Variants in VPS54 observed in about 807,000 individuals in gnomAD.
The protein encoded by VPS54 is VPS54 subunit of GARP complex.
A neutral mutation model predicts 121.5 loss-of-function variants in VPS54; 45 were observed. The ratio of observed to expected loss-of-function variants is 0.37; its 90% CI spans 0.29 to 0.47. The LOEUF is 0.47. VPS54 is among the 20% of genes least tolerant of loss of function. VPS54 has a pLI of 0.99. For synonymous variants in VPS54, 371 were observed against 385.8 expected, an observed-to-expected ratio of 0.96 and a Z score of 0.45; for missense variants, 1,090 against 1,131.4, an observed-to-expected ratio of 0.96 and a Z score of 0.52.
intron 9 of VPS54, among the ~76,000 whole-genome samples, chr2:63,946,454 G>T (rs1188099489): frequency 6.6e-6 from 1 of 151,970 alleles, no homozygotes; most frequent in East Asian, 1.9e-4. Context: ...ACTATATATT[G>T]CCAACAATTT....
chr2:64,016,441 T>C (rs553943412), intron 1 of VPS54, among the ~76,000 whole-genome samples: 10 of 152,218 alleles, frequency 6.6e-5, no homozygotes, highest in Admixed American at 3.3e-4. Flanking sequence ...TAGGCCAATA[T>C]TGAGACAGAA....
At chr2:63,952,853 A>C (rs1675316587) in intron 7 of VPS54, among the ~76,000 whole-genome samples, 1 of 152,208 alleles carries the variant, frequency 6.6e-6, no homozygotes, top group South Asian at 2.1e-4. Flanking sequence ...CACTTCTTAG[A>C]ATCTGTCTCA....
chr2:63,983,650 G>C (rs1214017579), intron 2 of VPS54, among the ~76,000 whole-genome samples: 1 of 149,036 alleles, frequency 6.7e-6, no homozygotes, highest in Non-Finnish European at 1.5e-5. Context: ...CACCATGTTA[G>C]CCAGGATGAT....
At chr2:63,943,326 A>C (rs1208690798) in intron 10 of VPS54, among the ~76,000 whole-genome samples, 1 of 152,220 alleles carries the variant, frequency 6.6e-6, no homozygotes, top group Non-Finnish European at 1.5e-5. Context: ...TTAAGAGTTT[A>C]TTCTAAAAAG....
intron 20 of VPS54, among the ~76,000 whole-genome samples, chr2:63,910,055 T>C (rs918034370): frequency 6.6e-6 from 1 of 152,124 alleles, no homozygotes; most frequent in African/African-American, 2.4e-5. Context: ...AATCAACCCA[T>C]ATGTTATTGT....
In VPS54 at chr2:63,981,809, T is replaced by C; in HGVS notation, c.215A>G (p.Asn72Ser). ...AGGATCGTTTAATGCTGCTGGGAGA[T>C]TTACTTTGGAATGATATACAGTCCA... ...HRWTVYHSKV[N>S]LPAALNDPRL... Residue 72 changes from asparagine (N) to serine (S), a missense_variant, in exon 3 of 23, where the codon AAT becomes AGT. By Grantham distance (46) the Asn-to-Ser change is conservative. Transcript: ENST00000272322. 2 of 1,613,712 alleles carry C rather than the reference T, an allele frequency of 1.2e-6. No individual in the cohort carries two copies. The highest frequency in any genetic ancestry group is 1.7e-6 in the Non-Finnish European group (2 of 1,179,810).
intron 20 of VPS54, among the ~76,000 whole-genome samples, chr2:63,911,472 T>G (rs928194914): frequency 4.6e-5 from 7 of 152,166 alleles, no homozygotes; most frequent in African/African-American, 1.7e-4. Context: ...CATAATAATA[T>G]TATTAATAAG....
intron 22 of VPS54, among the ~76,000 whole-genome samples, chr2:63,896,590 A>G (rs1672454667): frequency 6.6e-6 from 1 of 152,212 alleles, no homozygotes; most frequent in Non-Finnish European, 1.5e-5. Context: ...AAGCTTTCAC[A>G]TAGCTCTTTG....
intron 20 of VPS54, among the ~76,000 whole-genome samples, chr2:63,909,118 G>A (rs1238535315): frequency 6.6e-6 from 1 of 152,060 alleles, no homozygotes; most frequent in Non-Finnish European, 1.5e-5. Context: ...CTCTTCCAAA[G>A]CCTTAAAAGC....
chr2:63,903,955 G>C (rs1188106546), intron 20 of VPS54, among the ~76,000 whole-genome samples: 1 of 152,054 alleles, frequency 6.6e-6, no homozygotes, highest in African/African-American at 2.4e-5. Context: ...GTAATTGTCA[G>C]ACTAAGGGAA....
chr2:64,013,064 G>A (rs543285279), intron 1 of VPS54, among the ~76,000 whole-genome samples: 1 of 152,298 alleles, frequency 6.6e-6, no homozygotes, highest in South Asian at 2.1e-4. Context: ...TGGTTAAAGG[G>A]TTGTCAGGGA....
chr2:63,985,092 G>A (rs1332995574), intron 1 of VPS54, among the ~76,000 whole-genome samples: 1 of 152,182 alleles, frequency 6.6e-6, no homozygotes, highest in African/African-American at 2.4e-5. Flanking sequence ...GGCCAAAGCA[G>A]GCGGATTACT....
intron 20 of VPS54, among the ~76,000 whole-genome samples, chr2:63,907,494 G>A (rs1344406767): frequency 2.0e-5 from 3 of 149,514 alleles, no homozygotes; most frequent in Non-Finnish European, 4.4e-5. Flanking sequence ...CTCCAGCCTG[G>A]GCAACAAGAG....
intron 6 of VPS54, among the ~76,000 whole-genome samples, chr2:63,964,452 G>T (rs921388998): frequency 6.6e-6 from 1 of 152,066 alleles, no homozygotes; most frequent in African/African-American, 2.4e-5. Flanking sequence ...TGTATACATT[G>T]ATGAGACTTT....
At position 63,962,232 on chromosome 2, in the gene VPS54, G is replaced by GT; in HGVS notation, c.835dup (p.Thr279AsnfsTer4). ...GTATACTTTAACACAATTATTTCTG[G>GT]TAAGTGCCAGTCTTAAAATGTGGAG... is the stretch of plus-strand genomic sequence containing the variant. On this transcript the variant is annotated frameshift_variant, in exon 7 of 23. Transcript: ENST00000272322. LOFTEE classifies it high-confidence loss of function. 6.2e-7 allele frequency: 1 copy of GT among 1,613,996 alleles called. No homozygotes were observed. The highest frequency in any genetic ancestry group is 8.5e-7 in the Non-Finnish European group (1 of 1,179,906).
intron 5 of VPS54, among the ~76,000 whole-genome samples, chr2:63,967,611 C>A (rs982017678): frequency 2.0e-5 from 3 of 150,012 alleles, no homozygotes; most frequent in Non-Finnish European, 3.0e-5. Context: ...CCCAGCTACT[C>A]AGGAGGCTGA....
In VPS54 at chr2:63,962,050, G is replaced by A; in HGVS notation, c.1010+8C>T. 2.0e-6 allele frequency: 3 copies of A among 1,536,456 alleles called. No homozygotes were observed. The highest frequency in any genetic ancestry group is 2.6e-6 in the Non-Finnish European group (3 of 1,137,248). On this transcript the variant is annotated splice_region_variant and intron_variant, in intron 7 of 22. Transcript: ENST00000272322. ...CATTATTTCTAGTGGCTTACTTAAT[G>A]AACATACCGGAAACTGTGAATGCCC...
intron 17 of VPS54, among the ~76,000 whole-genome samples, 157 bp from the exon 18 acceptor site, chr2:63,913,467 A>G (rs1400793852): frequency 1.3e-5 from 2 of 152,214 alleles, no homozygotes; most frequent in Admixed American, 1.3e-4. Context: ...ATTTAATGAA[A>G]AAGAAATGAG....
chr2:64,011,116 T>C (rs1352903742), intron 1 of VPS54, among the ~76,000 whole-genome samples: 1 of 152,254 alleles, frequency 6.6e-6, no homozygotes, highest in Non-Finnish European at 1.5e-5. Flanking sequence ...AAATGGCTTA[T>C]AAAACAAATG....
Sources: allele counts gnomAD v4.1 joint callset (sites outside exome capture counted in the v4.1 genomes callset), GRCh38; gene constraint gnomAD v4.1.1; transcripts MANE v1.5; gene names NCBI Gene and HGNC (gene_info 2026-07-23, HGNC 2026-07-21).